The following NCKAP5 variants were observed in gnomAD, a reference collection of about 807,000 sequenced individuals.
NCKAP5 encodes nck-associated protein 5.
In NCKAP5, 92 loss-of-function variants were observed where a neutral mutation model predicts 167.0. The observed-to-expected ratio is 0.55, with a 90% CI of 0.47 to 0.66. The LOEUF is 0.66. Among genes scored for constraint, NCKAP5 ranks in the 30% least tolerant of loss-of-function variants. NCKAP5 has a pLI of 0.00. For synonymous variants in NCKAP5, 891 were observed against 877.4 expected, an observed-to-expected ratio of 1.02 and a Z score of -0.27; for missense variants, 2,378 against 2,315.0, an observed-to-expected ratio of 1.03 and a Z score of -0.56.
chr2:132,753,141 T>C (rs1183102201), intron 16 of NCKAP5, among the ~76,000 whole-genome samples: 2 of 152,142 alleles, frequency 1.3e-5, no homozygotes. Flanking sequence ...AGTCAACATA[T>C]GAAATTAACC....
chr2:133,312,734 T>C (rs1294408036), intron 3 of NCKAP5, among the ~76,000 whole-genome samples: 1 of 152,224 alleles, frequency 6.6e-6, no homozygotes, highest in East Asian at 1.9e-4. Context: ...CCTATCTTAA[T>C]TAAAACACTG....
the NCKAP5 span, among the ~76,000 whole-genome samples, chr2:133,585,349 A>T: frequency 6.6e-6 from 1 of 152,246 alleles, no homozygotes; most frequent in Admixed American, 6.5e-5. Flanking sequence ...GGATCCATAG[A>T]CACTAGCTGG....
rs985504694 is a variant in NCKAP5, at chr2:132,678,320, T to C, written c.5714-5015A>G. 4.6e-5 allele frequency among the ~76,000 whole-genome samples: 7 copies of C among 152,318 alleles called. No homozygotes were observed. The East Asian group carries it at 1.2e-3, about 25-fold the overall frequency. On this transcript the variant is annotated intron_variant, in intron 19 of 19. Transcript: ENST00000409261. The stretch of plus-strand genomic sequence containing the variant: ...TGATAAATGCTACTCTTTCATTATT[T>C]CAAATACATTTCCATCCTTTGATTA...
chr2:132,882,936 T>C (rs1166536203), intron 8 of NCKAP5, among the ~76,000 whole-genome samples: 1 of 152,096 alleles, frequency 6.6e-6, no homozygotes, highest in African/African-American at 2.4e-5. Flanking sequence ...CTCACACCTA[T>C]AATCTCAGCA....
chr2:133,102,291 C>G (rs1264843722), intron 6 of NCKAP5, among the ~76,000 whole-genome samples: 2 of 152,084 alleles, frequency 1.3e-5, no homozygotes, highest in African/African-American at 4.8e-5. Flanking sequence ...GGACTATAGG[C>G]ACGTGCCACC....
At chr2:132,746,268 AT>A (rs1241625362) in intron 16 of NCKAP5, among the ~76,000 whole-genome samples, 1 of 152,136 alleles carries the variant, frequency 6.6e-6, no homozygotes, top group African/African-American at 2.4e-5. Flanking sequence ...TTTTCAATTG[AT>A]TTCTGACAAA....
At chr2:133,406,349 G>C (rs1035609877) in intron 3 of NCKAP5, among the ~76,000 whole-genome samples, 4 of 152,206 alleles carry the variant, frequency 2.6e-5, no homozygotes, top group African/African-American at 4.8e-5. Flanking sequence ...AAGTTATGCA[G>C]AAGTAGGCTG....
chr2:133,113,744 A>G (rs1459078373), intron 6 of NCKAP5, among the ~76,000 whole-genome samples: 1 of 152,228 alleles, frequency 6.6e-6, no homozygotes, highest in African/African-American at 2.4e-5. Context: ...TGCTGGCAGC[A>G]GGCATGGGAT....
At chr2:132,694,260 T>A (rs908530122) in intron 19 of NCKAP5, among the ~76,000 whole-genome samples, 1 of 152,092 alleles carries the variant, frequency 6.6e-6, no homozygotes, top group Non-Finnish European at 1.5e-5. Flanking sequence ...AGATGCTTCA[T>A]TTGAAAAGGA....
At chr2:133,440,877 T>C (rs932005360) in intron 3 of NCKAP5, among the ~76,000 whole-genome samples, 2 of 152,060 alleles carry the variant, frequency 1.3e-5, no homozygotes, top group Non-Finnish European at 2.9e-5. Context: ...TAAATCCCCT[T>C]TGAGCGCCTG....
intron 4 of NCKAP5, among the ~76,000 whole-genome samples, chr2:133,250,794 A>G (rs1189048427): frequency 4.6e-5 from 7 of 152,108 alleles, no homozygotes; most frequent in Non-Finnish European, 8.8e-5. Context: ...GTTGTGCATG[A>G]TGGCACAAAC....
intron 3 of NCKAP5, among the ~76,000 whole-genome samples, chr2:133,316,122 G>T (rs1681592876): frequency 6.6e-6 from 1 of 152,080 alleles, no homozygotes; most frequent in Non-Finnish European, 1.5e-5. Flanking sequence ...GACACTTTTG[G>T]AGAATGGTCT....
intron 4 of NCKAP5, chr2:133,284,647 C>G (rs1183082897): frequency 2.0e-5 from 3 of 152,210 alleles, no homozygotes; most frequent in Non-Finnish European, 2.9e-5. Flanking sequence ...CAATCTCTAT[C>G]TGTATATTAA....
At chr2:133,336,917 C>T (rs556599647) in intron 3 of NCKAP5, among the ~76,000 whole-genome samples, 7 of 152,262 alleles carry the variant, frequency 4.6e-5, no homozygotes, top group African/African-American at 1.4e-4. Context: ...AAGGGGCACT[C>T]GTTAAATACT....
intron 3 of NCKAP5, among the ~76,000 whole-genome samples, chr2:133,343,190 A>G (rs1683713386): frequency 6.6e-6 from 1 of 152,226 alleles, no homozygotes; most frequent in Non-Finnish European, 1.5e-5. Flanking sequence ...GGGACAGCAC[A>G]TTAAACTTAT....
chr2:132,843,111 G>C (rs1018740372), intron 11 of NCKAP5, among the ~76,000 whole-genome samples: 9 of 152,064 alleles, frequency 5.9e-5, no homozygotes, highest in African/African-American at 2.2e-4. Context: ...TTCCTATGGA[G>C]CTAAGGCATA....
chr2:132,737,769 A>T (rs1691655014), intron 16 of NCKAP5, among the ~76,000 whole-genome samples: 1 of 152,224 alleles, frequency 6.6e-6, no homozygotes, highest in Non-Finnish European at 1.5e-5. Context: ...ACACTGTTAT[A>T]ATTCAGAAAA....
chr2:132,988,692 G>A (rs2077367246), intron 7 of NCKAP5, among the ~76,000 whole-genome samples: 1 of 152,166 alleles, frequency 6.6e-6, no homozygotes, highest in African/African-American at 2.4e-5. Context: ...TAAATCAGGT[G>A]TGGGTTGTTA....
chr2:133,245,843 C>T (rs1410096546), intron 4 of NCKAP5, among the ~76,000 whole-genome samples: 1 of 150,214 alleles, frequency 6.7e-6, no homozygotes, highest in Non-Finnish European at 1.5e-5. Flanking sequence ...ATTCCCCCTG[C>T]TCTCCAGGAG....
Sources: allele counts gnomAD v4.1 joint callset (sites outside exome capture counted in the v4.1 genomes callset), GRCh38; gene constraint gnomAD v4.1.1; transcripts MANE v1.5; gene names NCBI Gene and HGNC (gene_info 2026-07-23, HGNC 2026-07-21).